TMEM178B: variants seen among roughly 807,000 people sequenced by gnomAD.
TMEM178B encodes transmembrane protein 178B.
A neutral mutation model predicts 31.0 loss-of-function variants in TMEM178B; 5 were observed. The ratio of observed to expected loss-of-function variants is 0.16; its 90% CI spans 0.08 to 0.34. TMEM178B has a LOEUF of 0.34. TMEM178B is among the 10% of genes least tolerant of loss of function. The pLI, the probability that TMEM178B is intolerant of heterozygous loss-of-function variation, is 1.00. For missense variants in TMEM178B, 275 were observed against 400.3 expected (o/e 0.69, Z 2.67); for synonymous variants, 164 against 164.0 (o/e 1.00, Z 0.00).
In TMEM178B at chr7:141,461,321, CAA is replaced by C. The variant is rs1469566245; in HGVS notation, c.635-9214_635-9213del. 1.3e-5 allele frequency among the ~76,000 whole-genome samples: 2 copies of C among 152,190 alleles called. No homozygotes were observed. The highest frequency in any genetic ancestry group is 4.8e-5 in the African/African-American group (2 of 41,448). On this transcript the variant is annotated intron_variant, in intron 3 of 3. Coordinates refer to ENST00000565468, the MANE Select transcript of TMEM178B (RefSeq NM_001195278.2). The surrounding 1 kb of genome is among the most constrained non-coding windows in gnomAD (Gnocchi z 4.0). ...CATAGGCCCTCTCTCCACATAGCAA[CAA>C]GAGAGGAAGCCAGGATTGGGGATCC...
intron 2 of TMEM178B, among the ~76,000 whole-genome samples, chr7:141,219,958 T>C (rs1182315965): frequency 2.6e-5 from 4 of 152,160 alleles, no homozygotes; most frequent in Admixed American, 1.3e-4. Flanking sequence ...AGCATTTTTA[T>C]TTTTCAGGAG....
intron 2 of TMEM178B, among the ~76,000 whole-genome samples, chr7:141,350,376 T>C (rs1289795431): frequency 6.6e-6 from 1 of 152,176 alleles, no homozygotes; most frequent in Non-Finnish European, 1.5e-5. Context: ...TTGTATTTTA[T>C]CTTCCCCCAC....
chr7:141,404,746 A>G (rs1800850784), intron 2 of TMEM178B, among the ~76,000 whole-genome samples: 1 of 152,218 alleles, frequency 6.6e-6, no homozygotes, highest in South Asian at 2.1e-4. Flanking sequence ...ATCTTTTGGT[A>G]TAAATTCAAT....
chr7:141,262,381 T>A (rs1304578863), intron 2 of TMEM178B, among the ~76,000 whole-genome samples: 4 of 151,690 alleles, frequency 2.6e-5, no homozygotes, highest in African/African-American at 9.7e-5. Context: ...AATGGAGGCA[T>A]GCATGTGAGT....
At chr7:141,232,386 C>T (rs749846126) in intron 2 of TMEM178B, among the ~76,000 whole-genome samples, 4 of 152,182 alleles carry the variant, frequency 2.6e-5, no homozygotes, top group Non-Finnish European at 4.4e-5. Flanking sequence ...AGTCGTCACA[C>T]TGTCTTTCAC....
intron 1 of TMEM178B, among the ~76,000 whole-genome samples, chr7:141,119,851 CTT>C (rs1795381465): frequency 6.6e-6 from 1 of 152,180 alleles, no homozygotes; most frequent in East Asian, 1.9e-4. Context: ...TGCGGGCTCT[CTT>C]TTCCTCCTAG....
chr7:141,122,587 A>G (rs1012727991), intron 1 of TMEM178B, among the ~76,000 whole-genome samples: 3 of 152,220 alleles, frequency 2.0e-5, no homozygotes, highest in African/African-American at 7.2e-5. Flanking sequence ...GGGAGATGAA[A>G]TGCTGGGTCC....
chr7:141,133,383 T>C (rs561612645), intron 1 of TMEM178B, among the ~76,000 whole-genome samples: 1 of 152,056 alleles, frequency 6.6e-6, no homozygotes, highest in Admixed American at 6.5e-5. Flanking sequence ...AACAAAGATA[T>C]ACTTACCATA....
chr7:141,180,987 T>C (rs1796518811), intron 1 of TMEM178B, among the ~76,000 whole-genome samples: 1 of 152,040 alleles, frequency 6.6e-6, no homozygotes, highest in African/African-American at 2.4e-5. Flanking sequence ...TCCCCACCCA[T>C]CCATCCACCC....
At chr7:141,481,897 T>C (rs1586990204), downstream of TMEM178B, among the ~76,000 whole-genome samples, 1 of 151,492 alleles carries the variant, frequency 6.6e-6, no homozygotes, top group South Asian at 2.1e-4. Context: ...CGGGCAGGGG[T>C]GAGTAGGATG....
At chr7:141,212,527 C>A (rs1797066849) in intron 1 of TMEM178B, 64 bp from the exon 2 acceptor site, 4 of 1,373,318 alleles carry the variant, frequency 2.9e-6, no homozygotes, top group Non-Finnish European at 4.0e-6. Context: ...AAAATTAATC[C>A]CAGAACTAGT....
At chr7:141,123,293 T>C (rs1444071433) in intron 1 of TMEM178B, among the ~76,000 whole-genome samples, 1 of 152,254 alleles carries the variant, frequency 6.6e-6, no homozygotes, top group Admixed American at 6.5e-5. Context: ...TCTCCCTTTA[T>C]ATCTTCAGGC....
intron 2 of TMEM178B, among the ~76,000 whole-genome samples, chr7:141,276,259 C>G (rs1237597275): frequency 6.6e-6 from 1 of 152,146 alleles, no homozygotes; most frequent in Admixed American, 6.5e-5. Context: ...CCTGTGGAAA[C>G]AAGCATGAGT....
intron 2 of TMEM178B, among the ~76,000 whole-genome samples, chr7:141,328,120 A>G (rs1273355748): frequency 1.3e-5 from 2 of 152,184 alleles, no homozygotes; most frequent in African/African-American, 4.8e-5. Flanking sequence ...TGTTTCCCAG[A>G]TGGAGAAGAT....
At chr7:141,189,328 A>G (rs990521605) in intron 1 of TMEM178B, among the ~76,000 whole-genome samples, 1 of 152,138 alleles carries the variant, frequency 6.6e-6, no homozygotes, top group Non-Finnish European at 1.5e-5. Context: ...AGTAGAGGAA[A>G]CCCTTCCAGG....
intron 2 of TMEM178B, among the ~76,000 whole-genome samples, chr7:141,294,233 G>A (rs1035430537): frequency 2.6e-5 from 4 of 152,214 alleles, no homozygotes; most frequent in African/African-American, 9.6e-5. Flanking sequence ...ACAAGTATTA[G>A]TTGCAATGAT....
At chr7:141,305,684 C>T (rs2116448880) in intron 2 of TMEM178B, among the ~76,000 whole-genome samples, 1 of 152,146 alleles carries the variant, frequency 6.6e-6, no homozygotes, top group East Asian at 1.9e-4. Flanking sequence ...ATCCGCCCAC[C>T]TTGGCCTCTG....
At chr7:141,240,345 G>GTACAAAGAAGAC (rs1203153861) in intron 2 of TMEM178B, among the ~76,000 whole-genome samples, 1 of 152,216 alleles carries the variant, frequency 6.6e-6, no homozygotes, top group Non-Finnish European at 1.5e-5. Flanking sequence ...TTTATGTGCA[G>GTACAAAGAAGAC]TACAAAGAAG....
chr7:141,298,706 AG>A (rs1477126075), intron 2 of TMEM178B, among the ~76,000 whole-genome samples: 1 of 152,250 alleles, frequency 6.6e-6, no homozygotes, highest in African/African-American at 2.4e-5. Context: ...TAGCTTTTCT[AG>A]TACCTCTTAG....
Sources: gnomAD v4.1 joint callset for allele counts (sites outside exome capture counted in the v4.1 genomes callset) on GRCh38, gnomAD v4.1.1 for gene constraint, Gnocchi (gnomAD v3.1) non-coding constraint, MANE v1.5 for transcripts, NCBI Gene and HGNC (gene_info 2026-07-23, HGNC 2026-07-21) for gene names.